Variants in PAG1 observed in about 807,000 individuals in gnomAD.
PAG1 encodes phosphoprotein membrane anchor with glycosphingolipid microdomains 1.
In PAG1, 23 loss-of-function variants were observed where a neutral mutation model predicts 31.7. That is an observed-to-expected ratio of 0.73 (90% CI 0.52 to 1.03). The LOEUF is 1.03. PAG1 is among the 50% of genes least tolerant of loss of function. PAG1 has a pLI of 0.00. For missense variants in PAG1, 473 were observed against 540.7 expected, an observed-to-expected ratio of 0.87 and a Z score of 1.24; for synonymous variants, 214 against 210.3, an observed-to-expected ratio of 1.02 and a Z score of -0.15.
intron 8 of PAG1, among the ~76,000 whole-genome samples, chr8:80,978,001 C>T (rs1443250458): frequency 6.6e-6 from 1 of 152,202 alleles, no homozygotes; most frequent in African/African-American, 2.4e-5. Flanking sequence ...CATTTTCCTG[C>T]TTCCACTTTT....
intron 1 of PAG1, among the ~76,000 whole-genome samples, chr8:81,071,918 C>T (rs1809100180): frequency 1.3e-5 from 2 of 152,182 alleles, no homozygotes; most frequent in Non-Finnish European, 2.9e-5. Context: ...ATCACAGTGC[C>T]CAGCCTGTCC....
At chr8:81,094,182 C>T (rs531347031) in intron 1 of PAG1, among the ~76,000 whole-genome samples, 2 of 152,108 alleles carry the variant, frequency 1.3e-5, no homozygotes, top group African/African-American at 4.8e-5. Flanking sequence ...GGAGGGACAT[C>T]GTCCTAAAAG....
At chr8:80,987,663 G>A (rs1807453816) in intron 5 of PAG1, 197 bp from the exon 6 acceptor site, 1 of 524,048 alleles carries the variant, frequency 1.9e-6, no homozygotes, top group Non-Finnish European at 3.4e-6. Context: ...ACCATGAGTA[G>A]TACTGAACCC....
intron 2 of PAG1, among the ~76,000 whole-genome samples, chr8:81,069,032 G>A (rs931645473): frequency 4.6e-5 from 7 of 152,128 alleles, no homozygotes; most frequent in Non-Finnish European, 5.9e-5. Context: ...AGAGGAAGGC[G>A]TTTTTAGAAT....
chr8:81,069,842 T>A (rs1004569586), intron 2 of PAG1, among the ~76,000 whole-genome samples: 1 of 152,232 alleles, frequency 6.6e-6, no homozygotes, highest in South Asian at 2.1e-4. Context: ...CAGCCATGGA[T>A]GGGCTTACCA....
At chr8:81,033,670 AT>A (rs1808416730) in intron 2 of PAG1, among the ~76,000 whole-genome samples, 1 of 152,212 alleles carries the variant, frequency 6.6e-6, no homozygotes, top group Non-Finnish European at 1.5e-5. Flanking sequence ...CTTAATACTA[AT>A]GATGACATTC....
intron 2 of PAG1, among the ~76,000 whole-genome samples, chr8:81,057,640 C>T (rs571295640): frequency 1.3e-5 from 2 of 152,172 alleles, no homozygotes; most frequent in Admixed American, 6.5e-5. Context: ...CGGTGCAGCA[C>T]ACCAACATGG....
At chr8:81,044,390 C>T (rs1808606400) in intron 2 of PAG1, among the ~76,000 whole-genome samples, 1 of 152,108 alleles carries the variant, frequency 6.6e-6, no homozygotes, top group South Asian at 2.1e-4. Flanking sequence ...TGAAGAGACA[C>T]AGGGGAAATG....
intron 3 of PAG1, among the ~76,000 whole-genome samples, chr8:81,019,609 G>T (rs1808127929): frequency 6.6e-6 from 1 of 152,248 alleles, no homozygotes; most frequent in African/African-American, 2.4e-5. Flanking sequence ...CAAAAGTCAA[G>T]AATTGAAGTT....
In PAG1 at chr8:80,976,613, G is replaced by A. The variant is rs182965660; in HGVS notation, c.1230C>T (p.Leu410=). Residue 410 remains leucine, a synonymous_variant, in exon 9 of 9, where the codon CTC becomes CTT. Coordinates refer to ENST00000220597, the MANE Select transcript of PAG1 (RefSeq NM_018440.4). ...TCTCGTAGTCGTTCTCCTTTGGGAC[G>A]AGACCGTGGTGGCCATTGGTCCCCA... ...ATLGTNGHHG[L]VPKENDYESI... is the part of the protein sequence containing the mutation. 8.1e-6 allele frequency: 13 copies of A among 1,614,084 alleles called. No individual in the cohort carries two copies. In the East Asian group the frequency reaches 8.9e-5, roughly 11 times the overall value.
At chr8:81,022,717 G>C (rs1004522166) in intron 3 of PAG1, among the ~76,000 whole-genome samples, 2 of 152,238 alleles carry the variant, frequency 1.3e-5, no homozygotes, top group African/African-American at 4.8e-5. Context: ...AAACAGTATA[G>C]GGATTTGTTT....
chr8:81,077,632 T>G (rs1189587419), intron 1 of PAG1, among the ~76,000 whole-genome samples: 1 of 152,236 alleles, frequency 6.6e-6, no homozygotes, highest in Non-Finnish European at 1.5e-5. Flanking sequence ...TAAGTTTTTT[T>G]TTCGCATTTA....
intron 2 of PAG1, among the ~76,000 whole-genome samples, chr8:81,068,136 A>T (rs907200693): frequency 6.6e-6 from 1 of 152,136 alleles, no homozygotes; most frequent in African/African-American, 2.4e-5. Context: ...GCCTCAAGTG[A>T]TCTGCTCGCC....
chr8:80,987,190 C>T (rs144487384), intron 6 of PAG1, among the ~76,000 whole-genome samples, 180 bp downstream of exon 6: 40 of 152,274 alleles, frequency 2.6e-4, no homozygotes, highest in African/African-American at 8.9e-4. Flanking sequence ...ATGCCTGGCA[C>T]ACAGAAGTGG....
intron 3 of PAG1, among the ~76,000 whole-genome samples, chr8:81,025,941 G>C (rs1245084711): frequency 1.3e-5 from 2 of 152,144 alleles, no homozygotes; most frequent in Non-Finnish European, 2.9e-5. Context: ...GGGCCTGACA[G>C]TTAAGCAAGC....
At chr8:81,020,061 C>T (rs1312642479) in intron 3 of PAG1, among the ~76,000 whole-genome samples, 1 of 152,148 alleles carries the variant, frequency 6.6e-6, no homozygotes, top group Non-Finnish European at 1.5e-5. Flanking sequence ...CTTGCATGGG[C>T]CCTGTAACCC....
At chr8:81,069,300 T>C (rs1295324563) in intron 2 of PAG1, among the ~76,000 whole-genome samples, 1 of 152,212 alleles carries the variant, frequency 6.6e-6, no homozygotes, top group Non-Finnish European at 1.5e-5. Flanking sequence ...GGTGAAGAGA[T>C]TGGGAAAACT....
At chr8:81,071,762 A>T (rs1413720347) in intron 1 of PAG1, among the ~76,000 whole-genome samples, 1 of 152,230 alleles carries the variant, frequency 6.6e-6, no homozygotes, top group African/African-American at 2.4e-5. Context: ...ATACAGAGAG[A>T]CGCAAGGGAT....
At chr8:81,014,987 T>C (rs1378990652) in intron 3 of PAG1, among the ~76,000 whole-genome samples, 1 of 152,184 alleles carries the variant, frequency 6.6e-6, no homozygotes, top group African/African-American at 2.4e-5. Flanking sequence ...AGAAGTTCCA[T>C]AATTATAAAA....
Sources: gnomAD v4.1 joint callset for allele counts (sites outside exome capture counted in the v4.1 genomes callset) on GRCh38, gnomAD v4.1.1 for gene constraint, MANE v1.5 for transcripts, NCBI Gene and HGNC (gene_info 2026-07-23, HGNC 2026-07-21) for gene names.